CUL1: variants seen among roughly 807,000 people sequenced by gnomAD.
CUL1 encodes the protein cullin-1.
A neutral mutation model predicts 118.0 loss-of-function variants in CUL1; 24 were observed. That is an observed-to-expected ratio of 0.20 (90% CI 0.15 to 0.29). CUL1 has a LOEUF of 0.29. Among genes scored for constraint, CUL1 ranks in the 10% least tolerant of loss-of-function variants. The pLI is 1.00. For synonymous variants in CUL1, 332 were observed against 340.4 expected, an observed-to-expected ratio of 0.98 and a Z score of 0.27; for missense variants, 361 against 933.8, an observed-to-expected ratio of 0.39 and a Z score of 7.99.
rs907543752 is a variant in CUL1, at chr7:148,771,934, T to C, written c.1083+4185T>C. Among the ~76,000 whole-genome samples, 8 of 152,304 alleles carry C rather than the reference T, an allele frequency of 5.3e-5. No homozygotes were observed. In the South Asian group the frequency reaches 8.3e-4, roughly 16 times the overall value. On this transcript the variant is annotated intron_variant, in intron 9 of 21. Coordinates refer to ENST00000325222, the MANE Select transcript of CUL1 (RefSeq NM_003592.3). The stretch of plus-strand genomic sequence containing the variant: ...CTTCACGTGGTCATTTTAAAAAGAA[T>C]TGAATGCCCACTGTGTGTGCCTGGC...
At chr7:148,754,889 G>A (rs1296895266) in intron 3 of CUL1, among the ~76,000 whole-genome samples, 2 of 151,796 alleles carry the variant, frequency 1.3e-5, no homozygotes, top group African/African-American at 4.8e-5. Context: ...TAGGACTACT[G>A]GCATGTACCA....
intron 1 of CUL1, among the ~76,000 whole-genome samples, chr7:148,705,697 A>T (rs1232620902): frequency 6.6e-6 from 1 of 152,162 alleles, no homozygotes; most frequent in Non-Finnish European, 1.5e-5. Context: ...ATCCTAGATG[A>T]TGTCAATAAA....
chr7:148,725,617 C>T (rs528147055), intron 1 of CUL1, among the ~76,000 whole-genome samples: 1 of 152,320 alleles, frequency 6.6e-6, no homozygotes, highest in African/African-American at 2.4e-5. Flanking sequence ...CCACCCAAGC[C>T]AGGTCTCAGC....
chr7:148,746,257 T>G (rs1348438775), intron 2 of CUL1, among the ~76,000 whole-genome samples: 2 of 152,248 alleles, frequency 1.3e-5, no homozygotes. Flanking sequence ...TGGAAGCAAC[T>G]GCTACATTGA....
chr7:148,708,105 A>G (rs1016040383), intron 1 of CUL1, among the ~76,000 whole-genome samples: 15 of 152,206 alleles, frequency 9.9e-5, no homozygotes, highest in African/African-American at 3.4e-4. Context: ...ATGAGCATTC[A>G]GGAGATAGCT....
At position 148,800,542 on chromosome 7, in the gene CUL1, G is replaced by T; in HGVS notation, c.2291G>T (p.Arg764Leu). 6.2e-7 allele frequency: 1 copy of T among 1,613,956 alleles called. No homozygotes were observed. The highest frequency in any genetic ancestry group is 2.2e-5 in the East Asian group (1 of 44,884). Residue 764 changes from arginine to leucine, a missense_variant, in exon 22 of 22, where the codon CGA (arginine) becomes CTA (leucine). By Grantham distance (102) the Arg-to-Leu change is moderately radical (BLOSUM62 -2). This residue lies in a region of CUL1 where 24 missense variants were observed against 126.7 expected (regional missense o/e 0.19). Transcript: ENST00000325222. This position sits in a 1 kb window ranked among gnomAD's most constrained non-coding sequence, Gnocchi z 4.6. Reference protein sequence around the residue: ...DILIEKEYLERVDGEKDTYSY... With the variant: ...DILIEKEYLELVDGEKDTYSY... ...CTAATTGAGAAAGAATATTTGGAGC[G>T]AGTGGATGGTGAAAAGGACACCTAC...
At chr7:148,736,209 C>T (rs1430722328) in intron 2 of CUL1, among the ~76,000 whole-genome samples, 1 of 152,144 alleles carries the variant, frequency 6.6e-6, no homozygotes, top group Non-Finnish European at 1.5e-5. Context: ...TAAGAAATGA[C>T]TATTACAGCC....
At chr7:148,758,003 A>G (rs889867967) in intron 4 of CUL1, among the ~76,000 whole-genome samples, 2 of 152,236 alleles carry the variant, frequency 1.3e-5, no homozygotes, top group African/African-American at 4.8e-5. Context: ...GGGTGGGGAC[A>G]TAGCCAAACC....
At chr7:148,708,075 C>T (rs1177014381) in intron 1 of CUL1, among the ~76,000 whole-genome samples, 1 of 152,198 alleles carries the variant, frequency 6.6e-6, no homozygotes, top group Non-Finnish European at 1.5e-5. Flanking sequence ...TCCAGTTCAT[C>T]TTATCTTTTC....
Position 148,732,867 on chromosome 7 carries a change from GA to G in CUL1, c.140+2608del, listed in dbSNP as rs1315733334. 3.9e-5 allele frequency among the ~76,000 whole-genome samples: 6 copies of G among 152,186 alleles called. No homozygotes were observed. In the South Asian group the frequency reaches 1.2e-3, roughly 32 times the overall value. On this transcript the variant is annotated intron_variant, in intron 2 of 21. Transcript: ENST00000325222. Reference sequence around the variant, plus strand: ...TAGTTTTTTTTCCAGTTTTGTCTGAGAAATAATAGCTCCATATATTTACAAA... The same window carrying G: ...TAGTTTTTTTTCCAGTTTTGTCTGAGAATAATAGCTCCATATATTTACAAA...
chr7:148,760,241 A>T lies in CUL1; in HGVS notation c.626-92A>T, dbSNP rs553661956. ...GCCATTTCACATTTACCTTTTAAAC[A>T]TAACTTAAACTGAATGCTACACCTA... On this transcript the variant is annotated intron_variant, in intron 6 of 21. Coordinates refer to ENST00000325222, the MANE Select transcript of CUL1 (RefSeq NM_003592.3). The T allele has an allele frequency of 3.1e-5, 33 of 1,061,958 alleles. No individual in the cohort carries two copies. The African/African-American group carries it at 4.4e-4, about 14-fold the overall frequency. The allele number at this position is 1,061,958 out of a possible 1,614,324, so 65.8% of individuals were successfully genotyped here.
chr7:148,792,658 A>G (rs1225950803), intron 16 of CUL1, 68 bp from the exon 17 acceptor site: 3 of 1,036,694 alleles, frequency 2.9e-6, no homozygotes, highest in South Asian at 1.5e-5. Flanking sequence ...CTTGGGCTGT[A>G]TATTTTGGGA....
At chr7:148,735,757 C>CGTGT (rs774635555) in intron 2 of CUL1, among the ~76,000 whole-genome samples, 4 of 151,744 alleles carry the variant, frequency 2.6e-5, no homozygotes, top group East Asian at 1.9e-4. Flanking sequence ...CTATCCTTCT[C>CGTGT]GTGTGTGTGT....
At chr7:148,729,880 G>T (rs1798700735) in intron 1 of CUL1, 82 bp from the exon 2 acceptor site, 1 of 425,904 alleles carries the variant, frequency 2.3e-6, no homozygotes, top group Non-Finnish European at 4.1e-6. Context: ...GGGCCCTGCA[G>T]ACTGAGTTTT....
intron 2 of CUL1, among the ~76,000 whole-genome samples, chr7:148,737,849 C>T (rs1477826080): frequency 6.6e-6 from 1 of 151,994 alleles, no homozygotes; most frequent in Admixed American, 6.6e-5. Flanking sequence ...CTGTTCACCT[C>T]GGCCTCCCAA....
rs745618749 is a variant in CUL1, at chr7:148,757,027, T to G, written c.360T>G (p.Thr120=). ...ATGAGAGTGTACTGAAATTCTACAC[T>G]CAACAATGGGAAGATTATCGATTTT... ...LMDESVLKFY[T]QQWEDYRFSS... Residue 120 remains threonine (T), a synonymous_variant, in exon 4 of 22, where the codon ACT becomes ACG. Coordinates refer to ENST00000325222, the MANE Select transcript of CUL1 (RefSeq NM_003592.3). 1.8e-5 allele frequency: 29 copies of G among 1,609,162 alleles called. No homozygotes were observed. The highest frequency in any genetic ancestry group is 2.4e-5 in the Non-Finnish European group (28 of 1,178,356).
At chr7:148,759,678 C>G (rs1233634183) in intron 6 of CUL1, 40 bp downstream of exon 6, 1 of 1,145,764 alleles carries the variant, frequency 8.7e-7, no homozygotes, top group Non-Finnish European at 1.3e-6. Context: ...GTTTTCACAT[C>G]AAATGGCAAT....
chr7:148,783,182 C>T lies in CUL1; in HGVS notation c.1084-601C>T, dbSNP rs199611005. 3.4e-5 allele frequency: 8 copies of T among 237,958 alleles called. No individual in the cohort carries two copies. The East Asian group carries it at 1.3e-3, about 38-fold the overall frequency. 14.7% of individuals were successfully genotyped at this position (237,958 alleles called of 1,614,324 possible). A position where few individuals can be genotyped will look rare whatever the true frequency, so the allele number is the denominator to read the frequency against. On this transcript the variant is annotated intron_variant, in intron 9 of 21. Transcript: ENST00000325222. ...CAGGAGCCTCTGCGGCCAGCCTTCC[C>T]GTTGCATTTCCATGTTGTTCCTTGT...
rs141451919 is a variant in CUL1, at chr7:148,798,434, C to T, written c.2031-138C>T. 1,125 of 646,142 alleles carry T rather than the reference C, an allele frequency of 1.7e-3. 7 individuals are homozygous for T. The African/African-American group carries it at 0.018, about 10-fold the overall frequency. The allele number at this position is 646,142 out of a possible 1,614,324, so 40.0% of individuals were successfully genotyped here. A position where few individuals can be genotyped will look rare whatever the true frequency, so the allele number is the denominator to read the frequency against. ...CAGTGCTGGGTAGAGGACATTTTCA[C>T]GGAGAGCTCACAGAAATCAACATTC... On this transcript the variant is annotated intron_variant, in intron 19 of 21. Coordinates refer to ENST00000325222, the MANE Select transcript of CUL1 (RefSeq NM_003592.3).
Sources: gnomAD v4.1 joint callset for allele counts (sites outside exome capture counted in the v4.1 genomes callset) on GRCh38, gnomAD v4.1.1 for gene constraint, gnomAD v4.1.1 regional missense constraint, Gnocchi (gnomAD v3.1) non-coding constraint, MANE v1.5 for transcripts, NCBI Gene and HGNC (gene_info 2026-07-23, HGNC 2026-07-21) for gene names.